H3C6: variants seen among roughly 807,000 people sequenced by gnomAD.
H3C6 encodes the protein histone H3.1.
In H3C6, 17 loss-of-function variants were observed where a neutral mutation model predicts 8.0. That is an observed-to-expected ratio of 2.13 (90% CI 1.46 to 3.19). The LOEUF is 3.19. Among genes scored for constraint, H3C6 ranks in the 30% most tolerant of loss-of-function variants. The pLI is 0.00. For synonymous variants in H3C6, 169 were observed against 78.0 expected (o/e 2.17, Z -6.15); for missense variants, 298 against 193.8 (o/e 1.54, Z -3.19).
chr6:26,225,331 C>T lies in H3C6; in HGVS notation c.177C>T (p.Thr59=). 1.2e-6 allele frequency: 2 copies of T among 1,614,180 alleles called. No individual in the cohort carries two copies. Among genetic ancestry groups the T allele is most frequent in the Non-Finnish European group, 1.7e-6 (2 of 1,179,990 alleles). The change falls in exon 1 of 1, where the codon ACC becomes ACT. Residue 59 remains threonine, a synonymous_variant. Transcript: ENST00000614911. ...AGATCCGTCGCTACCAGAAGTCTACCGAGCTTCTAATCCGGAAGCTGCCGT... is the reference window on the plus strand; with the variant it reads ...AGATCCGTCGCTACCAGAAGTCTACTGAGCTTCTAATCCGGAAGCTGCCGT... ...LREIRRYQKS[T]ELLIRKLPFQ...
Position 26,225,538 on chromosome 6 carries a change from C to A in H3C6, c.384C>A (p.Ala128=). Residue 128 remains alanine, a synonymous_variant, in exon 1 of 1, where the codon GCC becomes GCA. Coordinates refer to ENST00000614911, the MANE Select transcript of H3C6 (RefSeq NM_003532.3). The part of the protein sequence containing the change: ...VTIMPKDIQL[A]RRIRGERA ...TCATGCCTAAAGACATCCAGCTTGC[C>A]CGCCGCATTCGTGGGGAGAGGGCGT... 1 of 1,613,920 alleles carries A rather than the reference C, an allele frequency of 6.2e-7. No homozygotes were observed. Among genetic ancestry groups the A allele is most frequent in the South Asian group, 1.1e-5 (1 of 91,064 alleles).
At chr6:26,224,874 T>C (rs1170746147), upstream of H3C6, 1 of 272,616 alleles carries the variant, frequency 3.7e-6, no homozygotes, top group African/African-American at 2.2e-5. Context: ...GATCAGTCTA[T>C]TAAGTTAAAT....
At chr6:26,225,053 C>A, upstream of H3C6, 1 of 1,282,816 alleles carries the variant, frequency 7.8e-7, no homozygotes, top group Non-Finnish European at 1.1e-6. Context: ...AATTTAGCAA[C>A]CGATCACTAA....
At chr6:26,225,708 G>T (rs764758968), downstream of H3C6, 22 of 1,053,986 alleles carry the variant, frequency 2.1e-5, no homozygotes, top group Non-Finnish European at 3.0e-5. Flanking sequence ...GTGGCATTCA[G>T]TTCCCTCGAT....
Position 26,225,404 on chromosome 6 carries a change from C to G in H3C6, c.250C>G (p.Arg84Gly). 6.2e-7 allele frequency: 1 copy of G among 1,614,276 alleles called. No individual in the cohort carries two copies. Among genetic ancestry groups the G allele is most frequent in the Non-Finnish European group, 8.5e-7 (1 of 1,180,046 alleles). Residue 84 changes from arginine to glycine, a missense_variant, in exon 1 of 1, where the codon CGC becomes GGC. Transcript: ENST00000614911. ...EIAQDFKTDL[R>G]FQSSAVMALQ... Reference sequence around the variant, plus strand: ...AGCTCAGGACTTCAAGACCGACCTGCGCTTCCAGAGTTCCGCGGTGATGGC... The same window carrying G: ...AGCTCAGGACTTCAAGACCGACCTGGGCTTCCAGAGTTCCGCGGTGATGGC...
rs751527374 is a variant in H3C6, at chr6:26,225,227, G to A, written c.73G>A (p.Ala25Thr). ...ACCGCGCAAACAGCTGGCCACTAAG[G>A]CAGCTCGCAAGAGCGCTCCGGCCAC... ...KAPRKQLATKAARKSAPATGG... is the reference protein window; with the variant it reads ...KAPRKQLATKTARKSAPATGG... Residue 25 changes from alanine (A) to threonine (T), a missense_variant, in exon 1 of 1, where the codon GCA (alanine) becomes ACA (threonine). By Grantham distance (58) the Ala-to-Thr change is moderately conservative. Coordinates refer to ENST00000614911, the MANE Select transcript of H3C6 (RefSeq NM_003532.3). The A allele has an allele frequency of 2.5e-6, 4 of 1,611,176 alleles. No homozygotes were observed. Among genetic ancestry groups the A allele is most frequent in the Admixed American group, 3.4e-5 (2 of 59,684 alleles).
chr6:26,225,709 T>G, downstream of H3C6: 2 of 1,023,664 alleles, frequency 2.0e-6, no homozygotes, highest in Non-Finnish European at 2.8e-6. Context: ...TGGCATTCAG[T>G]TCCCTCGATG....
chr6:26,225,631 AG>A (rs1398760763), downstream of H3C6: 1 of 1,542,122 alleles, frequency 6.5e-7, no homozygotes, highest in Non-Finnish European at 8.8e-7. Flanking sequence ...GTCCGTGAAA[AG>A]GGCTGTAATC....
chr6:26,224,898 G>T (rs1765593323), upstream of H3C6: 2 of 338,740 alleles, frequency 5.9e-6, no homozygotes, highest in Non-Finnish European at 1.1e-5. Context: ...CAATGTCTTT[G>T]CAGGTCATGG....
chr6:26,225,283 C>T lies in H3C6; in HGVS notation c.129C>T (p.Arg43=), dbSNP rs368893363. 6.2e-7 allele frequency: 1 copy of T among 1,614,094 alleles called. No homozygotes were observed. Among genetic ancestry groups the T allele is most frequent in the African/African-American group, 1.3e-5 (1 of 74,952 alleles). Residue 43 remains arginine, a synonymous_variant, in exon 1 of 1, where the codon CGC becomes CGT. Coordinates refer to ENST00000614911, the MANE Select transcript of H3C6 (RefSeq NM_003532.3). ...TGGVKKPHRY[R]PGTVALREIR... is the part of the protein sequence containing the mutation. ...GCGTGAAGAAGCCCCATCGCTACCG[C>T]CCTGGCACCGTGGCTCTGCGCGAGA...
rs1443083387 is a variant in H3C6, at chr6:26,225,483, T to C, written c.329T>C (p.Leu110Pro). Reference protein sequence around the residue: ...YLVGLFEDTNLCAIHAKRVTI... With the variant: ...YLVGLFEDTNPCAIHAKRVTI... Reference sequence around the variant, plus strand: ...GTGGGGCTTTTCGAGGACACCAACCTGTGCGCTATTCATGCCAAACGCGTG... The same window carrying C: ...GTGGGGCTTTTCGAGGACACCAACCCGTGCGCTATTCATGCCAAACGCGTG... The change falls in exon 1 of 1, where the codon CTG becomes CCG. Residue 110 changes from leucine (L) to proline (P), a missense_variant. Coordinates refer to ENST00000614911, the MANE Select transcript of H3C6 (RefSeq NM_003532.3). 19 of 1,614,248 alleles carry C rather than the reference T, an allele frequency of 1.2e-5. No homozygotes were observed. Among genetic ancestry groups the C allele is most frequent in the Non-Finnish European group, 1.6e-5 (19 of 1,180,038 alleles).
Position 26,225,545 on chromosome 6 carries a change from A to G in H3C6, c.391A>G (p.Ile131Val). ...TAAAGACATCCAGCTTGCCCGCCGCATTCGTGGGGAGAGGGCGTGAATTGT... is the reference window on the plus strand; with the variant it reads ...TAAAGACATCCAGCTTGCCCGCCGCGTTCGTGGGGAGAGGGCGTGAATTGT... Reference protein sequence around the residue: ...MPKDIQLARRIRGERA With the variant: ...MPKDIQLARRVRGERA The change falls in exon 1 of 1, where the codon ATT becomes GTT. Residue 131 changes from isoleucine to valine, a missense_variant. Physicochemically the swap from Ile to Val is conservative, Grantham distance 29 (BLOSUM62 3). Coordinates refer to ENST00000614911, the MANE Select transcript of H3C6 (RefSeq NM_003532.3). 6.2e-7 allele frequency: 1 copy of G among 1,613,850 alleles called. No individual in the cohort carries two copies. Among genetic ancestry groups the G allele is most frequent in the Non-Finnish European group, 8.5e-7 (1 of 1,179,834 alleles).
At chr6:26,225,635 C>CTACA, downstream of H3C6, 1 of 1,527,526 alleles carries the variant, frequency 6.5e-7, no homozygotes, top group African/African-American at 1.4e-5. Flanking sequence ...GTGAAAAGGG[C>CTACA]TGTAATCCTT....
At position 26,225,416 on chromosome 6, in the gene H3C6, TC is replaced by T. The variant is rs759319033; in HGVS notation, c.264del (p.Ala89ArgfsTer2). The T allele has an allele frequency of 6.2e-7, 1 of 1,614,244 alleles. No homozygotes were observed. The highest frequency in any genetic ancestry group is 1.1e-5 in the South Asian group (1 of 91,086). ...CAAGACCGACCTGCGCTTCCAGAGT[TC>T]CGCGGTGATGGCGCTGCAGGAGGCC... ...DFKTDLRFQS[S>X]AVMALQEACE... On this transcript the variant is annotated frameshift_variant, in exon 1 of 1. Coordinates refer to ENST00000614911, the MANE Select transcript of H3C6 (RefSeq NM_003532.3). LOFTEE classifies it high-confidence loss of function.
chr6:26,225,243 C>T lies in H3C6; in HGVS notation c.89C>T (p.Ala30Val). 1.9e-6 allele frequency: 3 copies of T among 1,613,318 alleles called. No individual in the cohort carries two copies. Among genetic ancestry groups the T allele is most frequent in the South Asian group, 1.1e-5 (1 of 90,994 alleles). Residue 30 changes from alanine (A) to valine (V), a missense_variant, in exon 1 of 1, where the codon GCT becomes GTT. Coordinates refer to ENST00000614911, the MANE Select transcript of H3C6 (RefSeq NM_003532.3). The part of the protein sequence containing the change: ...QLATKAARKS[A>V]PATGGVKKPH... ...GCCACTAAGGCAGCTCGCAAGAGCGCTCCGGCCACGGGCGGCGTGAAGAAG... is the reference window on the plus strand; with the variant it reads ...GCCACTAAGGCAGCTCGCAAGAGCGTTCCGGCCACGGGCGGCGTGAAGAAG...
At chr6:26,227,293 A>G (rs1171967174), downstream of H3C6, 2 of 152,250 alleles carry the variant, frequency 1.3e-5, no homozygotes, top group Admixed American at 1.3e-4. Context: ...ACAAGTTTTA[A>G]CCTGTATTTC....
chr6:26,225,459 T>C lies in H3C6; in HGVS notation c.305T>C (p.Val102Ala). 1.9e-6 allele frequency: 3 copies of C among 1,614,234 alleles called. No homozygotes were observed. The highest frequency in any genetic ancestry group is 4.5e-5 in the East Asian group (2 of 44,882). Residue 102 changes from valine to alanine, a missense_variant, in exon 1 of 1, where the codon GTG (valine) becomes GCG (alanine). Val to Ala is a moderately conservative substitution (Grantham distance 64, BLOSUM62 0). Coordinates refer to ENST00000614911, the MANE Select transcript of H3C6 (RefSeq NM_003532.3). ...CAGGAGGCCTGCGAGGCCTACTTGG[T>C]GGGGCTTTTCGAGGACACCAACCTG... is the stretch of plus-strand genomic sequence containing the variant. The part of the protein sequence containing the change: ...ALQEACEAYL[V>A]GLFEDTNLCA...
In H3C6 at chr6:26,225,214, G is replaced by C. The variant is rs773782251; in HGVS notation, c.60G>C (p.Gln20His). The change falls in exon 1 of 1, where the codon CAG becomes CAC. Residue 20 changes from glutamine (Q) to histidine (H), a missense_variant. Coordinates refer to ENST00000614911, the MANE Select transcript of H3C6 (RefSeq NM_003532.3). ...KSTGGKAPRK[Q>H]LATKAARKSA... Reference sequence around the variant, plus strand: ...CAGGCGGTAAAGCACCGCGCAAACAGCTGGCCACTAAGGCAGCTCGCAAGA... The same window carrying C: ...CAGGCGGTAAAGCACCGCGCAAACACCTGGCCACTAAGGCAGCTCGCAAGA... The C allele has an allele frequency of 1.9e-6, 3 of 1,607,318 alleles. No homozygotes were observed. Among genetic ancestry groups the C allele is most frequent in the Non-Finnish European group, 2.5e-6 (3 of 1,176,546 alleles).
In H3C6 at chr6:26,225,321, A is replaced by G. The variant is rs771339762; in HGVS notation, c.167A>G (p.Gln56Arg). ...TVALREIRRY[Q>R]KSTELLIRKL... ...GCTCTGCGCGAGATCCGTCGCTACCAGAAGTCTACCGAGCTTCTAATCCGG... is the reference window on the plus strand; with the variant it reads ...GCTCTGCGCGAGATCCGTCGCTACCGGAAGTCTACCGAGCTTCTAATCCGG... The change falls in exon 1 of 1, where the codon CAG becomes CGG. Residue 56 changes from glutamine to arginine, a missense_variant. Gln to Arg is a conservative substitution (Grantham distance 43). Coordinates refer to ENST00000614911, the MANE Select transcript of H3C6 (RefSeq NM_003532.3). 1.2e-6 allele frequency: 2 copies of G among 1,614,214 alleles called. No individual in the cohort carries two copies. The highest frequency in any genetic ancestry group is 1.7e-6 in the Non-Finnish European group (2 of 1,180,008).
Sources: gnomAD v4.1 joint callset for allele counts on GRCh38, gnomAD v4.1.1 for gene constraint, MANE v1.5 for transcripts, NCBI Gene and HGNC (gene_info 2026-07-23, HGNC 2026-07-21) for gene names.